Variants in CA5B observed in about 807,000 individuals in gnomAD.
The protein encoded by CA5B is carbonic anhydrase 5B, mitochondrial.
CA5B carries 15 observed loss-of-function variants against 23.1 expected under a neutral mutation model. That is an observed-to-expected ratio of 0.65 (90% CI 0.43 to 1.00). CA5B has a LOEUF of 1.00. Ranked by LOEUF, CA5B falls within the 50% of genes least tolerant of loss-of-function variation. CA5B has a pLI of 0.00. For synonymous variants in CA5B, 84 were observed against 98.5 expected (o/e 0.85, Z 0.87); for missense variants, 236 against 252.2 (o/e 0.94, Z 0.43).
chrX:15,770,721 C>A (rs1931799959), intron 3 of CA5B, among the ~76,000 whole-genome samples: 1 of 92,739 alleles, frequency 1.1e-5, no homozygotes, highest in Admixed American at 1.3e-4. Context: ...CAGTCTATTT[C>A]TCTCTCTCTC....
chrX:15,775,281 G>A lies in CA5B; in HGVS notation c.591G>A (p.Val197=). Residue 197 remains valine (V), a synonymous_variant, in exon 6 of 8, where the codon GTG becomes GTA. Coordinates refer to ENST00000318636, the MANE Select transcript of CA5B (RefSeq NM_007220.4). ...ATCATAAGGAGCTACAGAAATTAGT[G>A]GATACTTTGCCGTCAATTAAGCATA... The part of the protein sequence containing the change: ...GKHHKELQKL[V]DTLPSIKHKD... 1 of 1,200,053 alleles carries A rather than the reference G, an allele frequency of 8.3e-7. No individual in the cohort carries two copies. The highest frequency in any genetic ancestry group is 1.1e-6 in the Non-Finnish European group (1 of 888,079).
At chrX:15,780,776 G>A (rs73439963) in intron 7 of CA5B, among the ~76,000 whole-genome samples, 1,219 of 111,880 alleles carry the variant, frequency 0.011, 14 homozygotes, top group African/African-American at 0.037. Flanking sequence ...ATGTGCAGCC[G>A]CTGTGTGATA....
intron 7 of CA5B, among the ~76,000 whole-genome samples, chrX:15,779,404 G>A (rs1261504971): frequency 1.8e-5 from 2 of 111,871 alleles, no homozygotes; most frequent in Non-Finnish European, 3.8e-5. Flanking sequence ...CACCTTCATA[G>A]ACATACATAG....
chrX:15,741,471 G>A (rs1254011761), intron 1 of CA5B, among the ~76,000 whole-genome samples: 1 of 108,197 alleles, frequency 9.2e-6, no homozygotes, highest in Non-Finnish European at 1.9e-5. Context: ...CAGGTTTGTG[G>A]GGGATTTTGT....
chrX:15,773,957 T>C (rs1189620592), intron 4 of CA5B, among the ~76,000 whole-genome samples: 4 of 112,353 alleles, frequency 3.6e-5, no homozygotes, highest in African/African-American at 1.3e-4. Flanking sequence ...AAACATCTTC[T>C]CTCCTGTAGA....
At chrX:15,769,203 G>GA (rs1426395656) in intron 3 of CA5B, among the ~76,000 whole-genome samples, 1 of 111,207 alleles carries the variant, frequency 9.0e-6, no homozygotes, top group East Asian at 2.8e-4. Flanking sequence ...GGGAGACCAA[G>GA]AAAAAAATAA....
At chrX:15,776,892 A>G (rs751165613) in intron 7 of CA5B, 23 bp downstream of exon 7, 2 of 1,170,974 alleles carry the variant, frequency 1.7e-6, no homozygotes, top group African/African-American at 1.8e-5. Context: ...CATAATTTCA[A>G]TCTAAGGAAA....
At chrX:15,744,870 T>G (rs1931192791) in intron 1 of CA5B, among the ~76,000 whole-genome samples, 2 of 111,185 alleles carry the variant, frequency 1.8e-5, no homozygotes, top group Admixed American at 1.9e-4. Context: ...CAGCTTTGAT[T>G]AAGAAATTTC....
At chrX:15,781,040 G>A (rs1474584912) in intron 7 of CA5B, among the ~76,000 whole-genome samples, 8 of 107,595 alleles carry the variant, frequency 7.4e-5, no homozygotes, top group Non-Finnish European at 1.2e-4. Flanking sequence ...GTCCAGTGGC[G>A]CGTGCCCAGG....
rs1375675392 is a variant in CA5B, at chrX:15,738,363, G to A, written c.-54+11G>A. 9.0e-6 allele frequency: 1 copy of A among 111,236 alleles called. No individual in the cohort carries two copies. Among genetic ancestry groups the A allele is most frequent in the African/African-American group, 3.3e-5 (1 of 30,485 alleles). The allele number at this position is 111,236 out of a possible 1,213,427, so 9.2% of individuals were successfully genotyped here. ...TGGAGAGACGCTCAGGTAAGGACGGGTGGCCGAGAGGAGTGGGGGGCGACC... is the reference window on the plus strand; with the variant it reads ...TGGAGAGACGCTCAGGTAAGGACGGATGGCCGAGAGGAGTGGGGGGCGACC... On this transcript the variant is annotated intron_variant, in intron 1 of 7. Coordinates refer to ENST00000318636, the MANE Select transcript of CA5B (RefSeq NM_007220.4).
At position 15,784,668 on chromosome X, in the gene CA5B, C is replaced by T. The variant is rs1932082788; in HGVS notation, c.*2004C>T. 1.8e-5 allele frequency: 2 copies of T among 111,951 alleles called. No individual in the cohort carries two copies. Among genetic ancestry groups the T allele is most frequent in the Admixed American group, 9.5e-5 (1 of 10,472 alleles). 9.2% of individuals were successfully genotyped at this position (111,951 alleles called of 1,213,427 possible). A position where few individuals can be genotyped will look rare whatever the true frequency, so the allele number is the denominator to read the frequency against. ...ATACTTAACACTACTGAACTGTACACTTAAAGATCGTTAGGAAGGAAACGG... is the reference window on the plus strand; with the variant it reads ...ATACTTAACACTACTGAACTGTACATTTAAAGATCGTTAGGAAGGAAACGG... On this transcript the variant is annotated 3_prime_UTR_variant, in exon 8 of 8. Transcript: ENST00000318636.
chrX:15,767,089 C>G, intron 3 of CA5B: 2 of 885,057 alleles, frequency 2.3e-6, no homozygotes, highest in Non-Finnish European at 2.8e-6. Flanking sequence ...AACTAATGGG[C>G]AGACCCAGTC....
chrX:15,747,024 C>T (rs1406092487), intron 1 of CA5B, among the ~76,000 whole-genome samples: 2 of 111,745 alleles, frequency 1.8e-5, no homozygotes, highest in Admixed American at 9.5e-5. Flanking sequence ...GAGGCAGACT[C>T]GTCCCCAGGC....
chrX:15,745,449 A>G (rs1931211580), intron 1 of CA5B, among the ~76,000 whole-genome samples: 1 of 112,476 alleles, frequency 8.9e-6, no homozygotes, highest in Non-Finnish European at 1.9e-5. Flanking sequence ...CAACATTATG[A>G]ATGTATTTAA....
intron 2 of CA5B, among the ~76,000 whole-genome samples, chrX:15,759,614 C>G (rs1190984609): frequency 2.7e-5 from 3 of 110,788 alleles, no homozygotes; most frequent in Non-Finnish European, 5.7e-5. Context: ...TAAGACAGTG[C>G]TAAAGCACAA....
intron 6 of CA5B, among the ~76,000 whole-genome samples, chrX:15,776,487 G>A (rs1475845481): frequency 2.7e-5 from 3 of 111,566 alleles, no homozygotes; most frequent in Non-Finnish European, 5.6e-5. Context: ...GGTTTTGGCC[G>A]TTTTCCCACA....
chrX:15,750,513 T>C (rs1172444010), intron 2 of CA5B: 2 of 146,458 alleles, frequency 1.4e-5, no homozygotes, highest in Non-Finnish European at 2.6e-5. Context: ...TTGGAACCTG[T>C]TGTTTATTAT....
intron 7 of CA5B, among the ~76,000 whole-genome samples, chrX:15,777,410 A>G (rs1931951941): frequency 8.9e-6 from 1 of 111,808 alleles, no homozygotes; most frequent in South Asian, 3.7e-4. Flanking sequence ...AACTACAATA[A>G]TATTTACTCA....
chrX:15,759,377 G>A (rs746571452), intron 2 of CA5B, among the ~76,000 whole-genome samples: 1 of 111,433 alleles, frequency 9.0e-6, no homozygotes, highest in African/African-American at 3.3e-5. Context: ...TCATGAATAG[G>A]ATTAGTTCCC....
Sources: allele counts gnomAD v4.1 joint callset (sites outside exome capture counted in the v4.1 genomes callset), GRCh38; gene constraint gnomAD v4.1.1; transcripts MANE v1.5; gene names NCBI Gene and HGNC (gene_info 2026-07-23, HGNC 2026-07-21).